Variants in AGMO observed in about 807,000 individuals in gnomAD.
AGMO encodes alkylglycerol monooxygenase, also known as glyceryl-ether monooxygenase.
A neutral mutation model predicts 60.2 loss-of-function variants in AGMO; 75 were observed. The ratio of observed to expected loss-of-function variants is 1.25; its 90% CI spans 1.03 to 1.51. The LOEUF is 1.51. AGMO is among the 40% of genes most tolerant of loss of function. The probability of loss-of-function intolerance (pLI) is 0.00; values close to 1 mark genes in which losing one functional copy is unlikely to be tolerated. For synonymous variants in AGMO, 261 were observed against 177.1 expected, an observed-to-expected ratio of 1.47 and a Z score of -3.76; for missense variants, 763 against 525.5, an observed-to-expected ratio of 1.45 and a Z score of -4.42.
At chr7:15,429,355 A>G (rs1313704532) in intron 4 of AGMO, among the ~76,000 whole-genome samples, 6 of 152,054 alleles carry the variant, frequency 3.9e-5, no homozygotes, top group African/African-American at 1.2e-4. Context: ...TATGCCTGGT[A>G]TCCTCCTAAA....
chr7:15,363,901 G>A (rs1583460146), intron 12 of AGMO, among the ~76,000 whole-genome samples: 1 of 151,776 alleles, frequency 6.6e-6, no homozygotes, highest in Admixed American at 6.6e-5. Flanking sequence ...CTCATCTAAG[G>A]TGTTAAAGTG....
At chr7:15,468,205 C>T (rs956242738) in intron 3 of AGMO, among the ~76,000 whole-genome samples, 2 of 152,150 alleles carry the variant, frequency 1.3e-5, no homozygotes, top group African/African-American at 4.8e-5. Flanking sequence ...ACTGTTGTAG[C>T]TGTTACATCC....
intron 12 of AGMO, among the ~76,000 whole-genome samples, chr7:15,248,178 C>CCATATATATATATA (rs1782806931): frequency 8.6e-5 from 2 of 23,214 alleles, no homozygotes; most frequent in Admixed American, 7.8e-4. Context: ...TGATCCAGCA[C>CCATATATATATATA]CATATATATA....
intron 12 of AGMO, among the ~76,000 whole-genome samples, chr7:15,316,293 C>A (rs961470152): frequency 2.0e-5 from 3 of 152,140 alleles, no homozygotes; most frequent in African/African-American, 7.2e-5. Flanking sequence ...TCTCCCACCC[C>A]ACATCCACTG....
intron 3 of AGMO, among the ~76,000 whole-genome samples, chr7:15,437,795 C>G (rs1204802455): frequency 2.0e-5 from 3 of 152,170 alleles, no homozygotes; most frequent in Admixed American, 2.0e-4. Context: ...CCGCCTCGGC[C>G]TCACAAAGTG....
chr7:15,514,218 G>T (rs1783750236), intron 3 of AGMO, among the ~76,000 whole-genome samples: 1 of 152,072 alleles, frequency 6.6e-6, no homozygotes. Context: ...TACTTATTGT[G>T]CTCTTTTCGG....
chr7:15,359,283 C>A (rs1356289423), intron 12 of AGMO, among the ~76,000 whole-genome samples: 1 of 124,152 alleles, frequency 8.1e-6, no homozygotes, highest in Non-Finnish European at 1.6e-5. Flanking sequence ...AGCAAGACTC[C>A]GTCTCAACAA....
At chr7:15,237,049 T>C (rs77488466) in intron 12 of AGMO, among the ~76,000 whole-genome samples, 2 of 152,284 alleles carry the variant, frequency 1.3e-5, no homozygotes, top group Non-Finnish European at 2.9e-5. Context: ...ATCCTTTGAA[T>C]ACCTTTTTAA....
Position 15,348,891 on chromosome 7 carries a change from T to C in AGMO, c.1263+16623A>G, listed in dbSNP as rs1782129831. Among the ~76,000 whole-genome samples, 3 of 152,112 alleles carry C rather than the reference T, an allele frequency of 2.0e-5. No individual in the cohort carries two copies. The East Asian group carries it at 5.8e-4, about 29-fold the overall frequency. ...GAAAAAAAAATTGCACCGTGATTTC[T>C]ACATAGTGTCACTAATAAAAAAGTA... On this transcript the variant is annotated intron_variant, in intron 12 of 12. Coordinates refer to ENST00000342526, the MANE Select transcript of AGMO (RefSeq NM_001004320.2).
the AGMO span, among the ~76,000 whole-genome samples, chr7:15,135,680 A>G: frequency 6.6e-6 from 1 of 151,998 alleles, no homozygotes; most frequent in Non-Finnish European, 1.5e-5. Context: ...AGGACTCTTA[A>G]ATGTTTCTGT....
chr7:15,141,541 G>C, the AGMO span, among the ~76,000 whole-genome samples: 2 of 152,234 alleles, frequency 1.3e-5, no homozygotes, highest in African/African-American at 4.8e-5. Context: ...AGCAGTGATC[G>C]TGCCACTGTC....
intron 12 of AGMO, among the ~76,000 whole-genome samples, chr7:15,320,123 G>GAA (rs202063052): frequency 6.8e-6 from 1 of 148,052 alleles, no homozygotes; most frequent in Non-Finnish European, 1.5e-5. Flanking sequence ...TGGGGTGGGG[G>GAA]AGGGGGAAGG....
rs773674228 is a variant in AGMO at position 15,390,869 on chromosome 7, C to T, written c.713G>A (p.Gly238Asp). The T allele has an allele frequency of 4.4e-6, 7 of 1,604,394 alleles. No homozygotes were observed. Among genetic ancestry groups the T allele is most frequent in the Non-Finnish European group, 6.0e-6 (7 of 1,174,758 alleles). Residue 238 changes from glycine (G) to aspartate (D), a missense_variant, in exon 7 of 13, where the codon GGT (glycine) becomes GAT (aspartate). Physicochemically the swap from Gly to Asp is moderately conservative, Grantham distance 94. Coordinates refer to ENST00000342526, the MANE Select transcript of AGMO (RefSeq NM_001004320.2). ...NRYCIDKNYA[G>D]VLIIWDKIFG... ...AATTTTATCCCAAATAATAAGAACACCAGCATAATTTTTGTCTATGCAATA... is the reference window on the plus strand; with the variant it reads ...AATTTTATCCCAAATAATAAGAACATCAGCATAATTTTTGTCTATGCAATA...
intron 12 of AGMO, among the ~76,000 whole-genome samples, chr7:15,316,567 G>C (rs1168466196): frequency 2.0e-5 from 3 of 151,636 alleles, no homozygotes; most frequent in African/African-American, 7.3e-5. Flanking sequence ...CCAAGAATGG[G>C]TCAGAAGACT....
At chr7:15,155,335 C>G in the AGMO span, among the ~76,000 whole-genome samples, 1 of 148,286 alleles carries the variant, frequency 6.7e-6, no homozygotes. Context: ...TATGTTGATT[C>G]GAAGAAGCAG....
chr7:15,214,014 G>C (rs1302100034), intron 12 of AGMO, among the ~76,000 whole-genome samples: 1 of 151,890 alleles, frequency 6.6e-6, no homozygotes, highest in Non-Finnish European at 1.5e-5. Context: ...TATATATCCA[G>C]TAACAAAATT....
At chr7:15,351,326 G>A (rs930670708) in intron 12 of AGMO, among the ~76,000 whole-genome samples, 7 of 152,092 alleles carry the variant, frequency 4.6e-5, no homozygotes, top group African/African-American at 1.7e-4. Context: ...AGTAGAAATT[G>A]CAAGACTTGA....
chr7:15,135,967 A>G, the AGMO span, among the ~76,000 whole-genome samples: 13 of 86,460 alleles, frequency 1.5e-4, no homozygotes, highest in Non-Finnish European at 1.5e-4. Flanking sequence ...TTAATATTAT[A>G]TTTTTTCTTT....
At chr7:15,158,194 G>T in the AGMO span, among the ~76,000 whole-genome samples, 2 of 152,024 alleles carry the variant, frequency 1.3e-5, no homozygotes, top group African/African-American at 4.8e-5. Context: ...CATACCTACC[G>T]TGGCTAATGA....
Sources: gnomAD v4.1 joint callset for allele counts (sites outside exome capture counted in the v4.1 genomes callset) on GRCh38, gnomAD v4.1.1 for gene constraint, MANE v1.5 for transcripts, NCBI Gene and HGNC (gene_info 2026-07-23, HGNC 2026-07-21) for gene names.